Variants in SAMD5 observed in about 807,000 individuals in gnomAD.
SAMD5 encodes the protein sterile alpha motif domain containing 5.
Under a neutral mutation model 11.3 loss-of-function variants are expected in SAMD5, and 13 were observed. The ratio of observed to expected loss-of-function variants is 1.15; its 90% CI spans 0.75 to 1.83. The LOEUF (loss-of-function observed/expected upper bound fraction) is 1.83. SAMD5 is among the 40% of genes most tolerant of loss of function. The pLI is 0.00. For synonymous variants in SAMD5, 129 were observed against 111.3 expected, an observed-to-expected ratio of 1.16 and a Z score of -1.00; for missense variants, 255 against 239.1, an observed-to-expected ratio of 1.07 and a Z score of -0.44.
chr6:147,626,209 C>T (rs910561296), intron 1 of SAMD5, among the ~76,000 whole-genome samples: 5 of 152,064 alleles, frequency 3.3e-5, no homozygotes, highest in East Asian at 1.9e-4. Flanking sequence ...CCCTTACATT[C>T]CTGAACCAGT....
the SAMD5 span, among the ~76,000 whole-genome samples, chr6:147,813,782 A>G: frequency 2.0e-5 from 3 of 152,238 alleles, no homozygotes; most frequent in Admixed American, 6.5e-5. Context: ...AAGTAATGGC[A>G]GGAGTAACTC....
chr6:147,656,850 C>T (rs1261695894), intron 1 of SAMD5, among the ~76,000 whole-genome samples: 1 of 151,740 alleles, frequency 6.6e-6, no homozygotes, highest in Non-Finnish European at 1.5e-5. Flanking sequence ...CCTAGCAATC[C>T]CGCTTCTAAG....
At chr6:147,728,257 C>T (rs1438031594) in intron 1 of SAMD5, among the ~76,000 whole-genome samples, 2 of 152,104 alleles carry the variant, frequency 1.3e-5, no homozygotes, top group African/African-American at 4.8e-5. Flanking sequence ...GAAATCCTGT[C>T]TCTACAAAAA....
At chr6:147,664,767 A>G (rs1337256100) in intron 1 of SAMD5, among the ~76,000 whole-genome samples, 3 of 152,314 alleles carry the variant, frequency 2.0e-5, no homozygotes, top group East Asian at 3.9e-4. Flanking sequence ...AGAAGCATAA[A>G]GTATCTAGGT....
chr6:147,892,007 G>A, the SAMD5 span, among the ~76,000 whole-genome samples: 1 of 152,144 alleles, frequency 6.6e-6, no homozygotes, highest in Non-Finnish European at 1.5e-5. Flanking sequence ...AGGGTGCGTC[G>A]GGCTCCTGAT....
chr6:147,734,605 C>G (rs1162230752), intron 1 of SAMD5, among the ~76,000 whole-genome samples: 1 of 148,346 alleles, frequency 6.7e-6, no homozygotes, highest in Admixed American at 6.9e-5. Context: ...CCCAGCTACT[C>G]GGGAGGCTGA....
chr6:147,744,921 A>ATAAATAAATAAATAAATAAGTAAG, the SAMD5 span, among the ~76,000 whole-genome samples: 6 of 142,532 alleles, frequency 4.2e-5, no homozygotes, highest in African/African-American at 1.8e-4. Context: ...AAATAAATAA[A>ATAAATAAATAAATAAATAAGTAAG]TAAGTAAGTA....
At chr6:147,651,048 A>G (rs1040406616) in intron 1 of SAMD5, among the ~76,000 whole-genome samples, 7 of 152,196 alleles carry the variant, frequency 4.6e-5, no homozygotes, top group Non-Finnish European at 8.8e-5. Context: ...GACATTTTGA[A>G]ATGTATTCAT....
intron 1 of SAMD5, among the ~76,000 whole-genome samples, chr6:147,654,758 A>G (rs1356218827): frequency 7.0e-6 from 1 of 143,160 alleles, no homozygotes. Flanking sequence ...TTATGCCTGG[A>G]TGGTTTGACT....
intron 1 of SAMD5, among the ~76,000 whole-genome samples, chr6:147,614,654 GT>G (rs1789839324): frequency 6.6e-6 from 1 of 151,876 alleles, no homozygotes; most frequent in Non-Finnish European, 1.5e-5. Flanking sequence ...CTGGAAAGTG[GT>G]TACCGGAGAT....
intron 1 of SAMD5, among the ~76,000 whole-genome samples, chr6:147,606,159 G>T (rs1422330343): frequency 6.6e-6 from 1 of 152,096 alleles, no homozygotes; most frequent in African/African-American, 2.4e-5. Flanking sequence ...GGGGATTCCT[G>T]CCCAGCCCAG....
intron 1 of SAMD5, among the ~76,000 whole-genome samples, chr6:147,548,146 C>T (rs764049488): frequency 1.2e-4 from 18 of 152,028 alleles, no homozygotes; most frequent in Admixed American, 4.6e-4. Context: ...AGAGATTTAG[C>T]GGGGAGTGGG....
At chr6:147,869,709 A>G in the SAMD5 span, among the ~76,000 whole-genome samples, 1 of 152,224 alleles carries the variant, frequency 6.6e-6, no homozygotes, top group African/African-American at 2.4e-5. Flanking sequence ...TATTATTATT[A>G]TTACTTTGAT....
At chr6:147,796,599 T>C in the SAMD5 span, among the ~76,000 whole-genome samples, 2 of 152,322 alleles carry the variant, frequency 1.3e-5, no homozygotes, top group Non-Finnish European at 2.9e-5. Flanking sequence ...TCCAATTCTG[T>C]GAAGAAAGTC....
At chr6:147,873,390 A>AG in the SAMD5 span, among the ~76,000 whole-genome samples, 6 of 151,818 alleles carry the variant, frequency 4.0e-5, no homozygotes, top group African/African-American at 1.5e-4. Flanking sequence ...AAAAAAAAAA[A>AG]GTAATTTAAC....
At chr6:147,643,582 T>C (rs1483562967) in intron 1 of SAMD5, among the ~76,000 whole-genome samples, 1 of 152,168 alleles carries the variant, frequency 6.6e-6, no homozygotes, top group Non-Finnish European at 1.5e-5. Flanking sequence ...TCATTAGACT[T>C]ACCACTTATT....
the SAMD5 span, among the ~76,000 whole-genome samples, chr6:147,843,236 T>A: frequency 4.6e-5 from 7 of 152,212 alleles, no homozygotes. Context: ...CTCCTATGTA[T>A]TTTATGCTTT....
At chr6:147,839,368 A>C in the SAMD5 span, among the ~76,000 whole-genome samples, 1 of 152,266 alleles carries the variant, frequency 6.6e-6, no homozygotes, top group Non-Finnish European at 1.5e-5. Flanking sequence ...TAAATCTAAT[A>C]TAATGTTTTT....
At chr6:147,739,459 G>T (rs9497856), downstream of SAMD5, among the ~76,000 whole-genome samples, 7 of 152,062 alleles carry the variant, frequency 4.6e-5, no homozygotes, top group African/African-American at 1.4e-4. Context: ...TTAGCCAGGC[G>T]TAGTGGCATG....
Sources: gnomAD v4.1 joint callset for allele counts (sites outside exome capture counted in the v4.1 genomes callset) on GRCh38, gnomAD v4.1.1 for gene constraint, MANE v1.5 for transcripts, NCBI Gene and HGNC (gene_info 2026-07-23, HGNC 2026-07-21) for gene names.